FBN3: variants seen among roughly 807,000 people sequenced by gnomAD.
FBN3 encodes fibrillin 3.
A neutral mutation model predicts 330.1 loss-of-function variants in FBN3; 234 were observed. The observed-to-expected ratio is 0.71, with a 90% CI of 0.64 to 0.79. The LOEUF (loss-of-function observed/expected upper bound fraction) is 0.79, where lower values mean the gene tolerates loss of function less well. FBN3 is among the 30% of genes least tolerant of loss of function. The probability of loss-of-function intolerance (pLI) is 0.00; values close to 1 mark genes in which losing one functional copy is unlikely to be tolerated. For missense variants in FBN3, 3,606 were observed against 3,886.9 expected, an observed-to-expected ratio of 0.93 and a Z score of 1.92; for synonymous variants, 1,458 against 1,517.3, an observed-to-expected ratio of 0.96 and a Z score of 0.91.
intron 8 of FBN3, 34 bp from the exon 9 acceptor site, chr19:8,138,598 A>G: frequency 1.3e-6 from 2 of 1,561,958 alleles, no homozygotes; most frequent in Middle Eastern, 1.7e-4. Flanking sequence ...CCATGAGCAC[A>G]GGACATCAGT....
chr19:8,147,199 C>A lies in FBN3; in HGVS notation c.168-13G>T. 6.4e-7 allele frequency: 1 copy of A among 1,562,608 alleles called. No homozygotes were observed. Among genetic ancestry groups the A allele is most frequent in the African/African-American group, 1.4e-5 (1 of 73,848 alleles). On this transcript the variant is annotated splice_polypyrimidine_tract_variant and intron_variant, in intron 2 of 63. Transcript: ENST00000600128. ...GCACACATTCGGCCTTCGGGGACAG[C>A]GAGATGGGTCTGGTGAGCCCCTGCC...
chr19:8,143,909 C>T (rs2083475037), intron 6 of FBN3, among the ~76,000 whole-genome samples: 1 of 151,554 alleles, frequency 6.6e-6, no homozygotes, highest in Admixed American at 6.6e-5. Flanking sequence ...CCTTGAACTC[C>T]TGGGCTCATG....
chr19:8,095,554 C>A, intron 45 of FBN3, 51 bp from the exon 46 acceptor site: 3 of 1,590,950 alleles, frequency 1.9e-6, no homozygotes, highest in Non-Finnish European at 2.6e-6. Context: ...TTGAAGGGAT[C>A]AAACCTTCCT....
rs2081379745 is a variant in FBN3 at position 8,065,964 on chromosome 19, T to C, written c.8385A>G (p.Pro2795=). The C allele has an allele frequency of 6.2e-6, 10 of 1,609,954 alleles. No individual in the cohort carries two copies. Among genetic ancestry groups the C allele is most frequent in the Non-Finnish European group, 8.5e-6 (10 of 1,177,832 alleles). The part of the protein sequence containing the change: ...WGVQPEGQPG[P]WGQALRLKVQ... ...CCTTCAGCCTCAAGGCCTGGCCCCA[T>C]GGCCCTGGCTGCCCCTCTGGCTGGA... Residue 2795 remains proline (P), a synonymous_variant, in exon 64 of 64, where the codon CCA becomes CCG. Transcript: ENST00000600128.
intron 56 of FBN3, among the ~76,000 whole-genome samples, chr19:8,085,070 G>A (rs2081905291): frequency 6.6e-6 from 1 of 152,220 alleles, no homozygotes; most frequent in South Asian, 2.1e-4. Flanking sequence ...AGCTGAGATT[G>A]CACCACTGCA....
rs138207092 is a variant in FBN3, at chr19:8,124,405, G to A, written c.2732-397C>T. 9.5e-3 allele frequency among the ~76,000 whole-genome samples: 1,411 copies of A among 149,062 alleles called. 23 individuals are homozygous for A. Among genetic ancestry groups the A allele is most frequent in the African/African-American group, 0.032 (1,284 of 40,274 alleles). On this transcript the variant is annotated intron_variant, in intron 22 of 63. Coordinates refer to ENST00000600128, the MANE Select transcript of FBN3 (RefSeq NM_032447.5). ...ATTACAGGTGTGTGCCACCACACCCGGCTGACTTTTGTTATTTTTTAGTAG... is the reference window on the plus strand; with the variant it reads ...ATTACAGGTGTGTGCCACCACACCCAGCTGACTTTTGTTATTTTTTAGTAG...
rs770869578 is a variant in FBN3 at position 8,118,812 on chromosome 19, C to T, written c.3337+85G>A. 1.4e-3 allele frequency: 2,080 copies of T among 1,519,384 alleles called. 1 individual carries two copies. Among genetic ancestry groups the T allele is most frequent in the Non-Finnish European group, 1.7e-3 (1,905 of 1,109,628 alleles). The allele number at this position is 1,519,384 out of a possible 1,614,324, so 94.1% of individuals were successfully genotyped here. ...AGATACACATGCCCACCCTCTCACT[C>T]ATCCAGCCCACATTCACCAGACATC... is the stretch of plus-strand genomic sequence containing the variant. On this transcript the variant is annotated intron_variant, in intron 26 of 63. Coordinates refer to ENST00000600128, the MANE Select transcript of FBN3 (RefSeq NM_032447.5).
At chr19:8,089,480 C>T in intron 51 of FBN3, 65 bp downstream of exon 51, 1 of 1,598,222 alleles carries the variant, frequency 6.3e-7, no homozygotes, top group Non-Finnish European at 8.5e-7. Context: ...CTTCCCTGCC[C>T]TGCTCTGCTC....
At chr19:8,106,346 T>A in intron 37 of FBN3, 113 bp from the exon 38 acceptor site, 1 of 1,030,464 alleles carries the variant, frequency 9.7e-7, no homozygotes, top group South Asian at 1.5e-5. Flanking sequence ...CCCCAAGTGC[T>A]GTCCATGACT....
chr19:8,065,458 A>G lies in FBN3; in HGVS notation c.*461T>C, dbSNP rs150618553. ...CTTTTGATATAAAAGCATTCTCCAA[A>G]TGGGGGGCAAATGTGGCAAGTCACT... On this transcript the variant is annotated 3_prime_UTR_variant, in exon 64 of 64. Transcript: ENST00000600128. 1,125 of 163,486 alleles carry G rather than the reference A, an allele frequency of 6.9e-3. 4 individuals are homozygous for G. The highest frequency in any genetic ancestry group is 9.7e-3 in the Non-Finnish European group (736 of 76,080). 10.1% of individuals were successfully genotyped at this position (163,486 alleles called of 1,614,324 possible).
At chr19:8,127,240 T>G (rs1005639196) in intron 18 of FBN3, among the ~76,000 whole-genome samples, 1 of 151,820 alleles carries the variant, frequency 6.6e-6, no homozygotes, top group South Asian at 2.1e-4. Context: ...TTTGTATTTT[T>G]AGTAGAGACA....
In FBN3 at chr19:8,096,156, G is replaced by T; in HGVS notation, c.5540-76C>A. 1 of 1,115,030 alleles carries T rather than the reference G, an allele frequency of 9.0e-7. No homozygotes were observed. Among genetic ancestry groups the T allele is most frequent in the Non-Finnish European group, 1.4e-6 (1 of 727,926 alleles). The allele number at this position is 1,115,030 out of a possible 1,614,324, so 69.1% of individuals were successfully genotyped here. ...AACTTGGGGAGTGAGAGGCCAGCTGGACCTAGCACTCCTCCCCTGCACCTA... is the reference window on the plus strand; with the variant it reads ...AACTTGGGGAGTGAGAGGCCAGCTGTACCTAGCACTCCTCCCCTGCACCTA... On this transcript the variant is annotated intron_variant, in intron 44 of 63. Coordinates refer to ENST00000600128, the MANE Select transcript of FBN3 (RefSeq NM_032447.5). The surrounding 1 kb of genome is among the most constrained non-coding windows in gnomAD (Gnocchi z 4.6).
chr19:8,100,285 G>C (rs2082299322), intron 41 of FBN3, among the ~76,000 whole-genome samples: 1 of 151,898 alleles, frequency 6.6e-6, no homozygotes, highest in African/African-American at 2.4e-5. Context: ...TTGCAAAACA[G>C]TGAAAGTGTA....
rs182703428 is a variant in FBN3, at chr19:8,128,901, G to A, written c.2296+127C>T. ...TGTGTGCACACTACATATAGCATGC[G>A]TGTGTGAATAGAGGTAACATGTAAG... On this transcript the variant is annotated intron_variant, in intron 18 of 63. Coordinates refer to ENST00000600128, the MANE Select transcript of FBN3 (RefSeq NM_032447.5). 76 of 1,115,160 alleles carry A rather than the reference G, an allele frequency of 6.8e-5. No homozygotes were observed. In the South Asian group the frequency reaches 9.0e-4, roughly 13 times the overall value. The allele number at this position is 1,115,160 out of a possible 1,614,324, so 69.1% of individuals were successfully genotyped here.
At chr19:8,102,177 T>A (rs767550633) in intron 40 of FBN3, among the ~76,000 whole-genome samples, 11 of 152,180 alleles carry the variant, frequency 7.2e-5, no homozygotes, top group Non-Finnish European at 1.5e-4. Flanking sequence ...CCCAGTTATG[T>A]GGAACTGCGA....
rs779215438 is a variant in FBN3 at position 8,147,175 on chromosome 19, C to T, written c.179G>A (p.Cys60Tyr). 6.4e-7 allele frequency: 1 copy of T among 1,569,346 alleles called. No homozygotes were observed. The highest frequency in any genetic ancestry group is 8.6e-7 in the Non-Finnish European group (1 of 1,157,960). Residue 60 changes from cysteine (C) to tyrosine (Y), a missense_variant, in exon 3 of 64, where the codon TGC (cysteine) becomes TAC (tyrosine). Cys to Tyr is a radical substitution (Grantham distance 194). Coordinates refer to ENST00000600128, the MANE Select transcript of FBN3 (RefSeq NM_032447.5). ...SPGILQGPNVCGSRFHAYCCP... is the reference protein window; with the variant it reads ...SPGILQGPNVYGSRFHAYCCP... ...GCAGTAGGCATGGAACCGGGAGCCG[C>T]ACACATTCGGCCTTCGGGGACAGCG... is the stretch of plus-strand genomic sequence containing the variant.
At chr19:8,144,844 CCT>C in intron 6 of FBN3, 31 bp downstream of exon 6, 1 of 1,536,812 alleles carries the variant, frequency 6.5e-7, no homozygotes, top group East Asian at 2.3e-5. Flanking sequence ...CATCGAGTCC[CCT>C]GTCTACCTCC....
rs533689982 is a variant in FBN3 at position 8,144,948 on chromosome 19, T to C, written c.470A>G (p.Asn157Ser). The change falls in exon 6 of 64, where the codon AAT becomes AGT. Residue 157 changes from asparagine (N) to serine (S), a missense_variant. Asn to Ser is a conservative substitution (Grantham distance 46). Coordinates refer to ENST00000600128, the MANE Select transcript of FBN3 (RefSeq NM_032447.5). ...GTTGGGCCCAATGCAGCGACCCCCA[T>C]TGTGGCAGCCGCGGTCACAGATGGC... ...GQPICDRGCH[N>S]GGRCIGPNRC... 45 of 1,611,658 alleles carry C rather than the reference T, an allele frequency of 2.8e-5. No individual in the cohort carries two copies. Among genetic ancestry groups the C allele is most frequent in the South Asian group, 4.4e-5 (4 of 90,312 alleles).
In FBN3 at chr19:8,131,760, CG is replaced by C. The variant is rs1474562784; in HGVS notation, c.1783del (p.Arg595AlafsTer10). 2 of 1,612,894 alleles carry C rather than the reference CG, an allele frequency of 1.2e-6. No homozygotes were observed. The highest frequency in any genetic ancestry group is 2.7e-5 in the African/African-American group (2 of 74,892). On this transcript the variant is annotated frameshift_variant, in exon 15 of 64. Coordinates refer to ENST00000600128, the MANE Select transcript of FBN3 (RefSeq NM_032447.5). LOFTEE classifies it high-confidence loss of function. This position sits in a 1 kb window ranked among gnomAD's most constrained non-coding sequence, Gnocchi z 4.5. ...CGCCAGCCCCCCCAGGCACTGGCAG[CG>C]GAAGGAGCCCTCGGTGTTGGTACAG... is the stretch of plus-strand genomic sequence containing the variant. ...GHCTNTEGSF[R>X]CQCLGGLAVG... is the part of the protein sequence containing the mutation.
Sources: gnomAD v4.1 joint callset for allele counts (sites outside exome capture counted in the v4.1 genomes callset) on GRCh38, gnomAD v4.1.1 for gene constraint, Gnocchi (gnomAD v3.1) non-coding constraint, MANE v1.5 for transcripts, NCBI Gene and HGNC (gene_info 2026-07-23, HGNC 2026-07-21) for gene names.